CNTN1: variants seen among roughly 807,000 people sequenced by gnomAD.
CNTN1 encodes the protein contactin-1.
Under a neutral mutation model 126.4 loss-of-function variants are expected in CNTN1, and 38 were observed. The observed-to-expected ratio is 0.30, with a 90% CI of 0.23 to 0.39. The LOEUF (loss-of-function observed/expected upper bound fraction) is 0.39, where lower values mean the gene tolerates loss of function less well. CNTN1 is among the 10% of genes least tolerant of loss of function. The pLI is 1.00. For synonymous variants in CNTN1, 413 were observed against 422.6 expected (o/e 0.98, Z 0.28); for missense variants, 1,009 against 1,248.4 (o/e 0.81, Z 2.89).
intron 1 of CNTN1, among the ~76,000 whole-genome samples, chr12:40,887,604 G>A (rs1944088026): frequency 6.6e-6 from 1 of 152,012 alleles, no homozygotes; most frequent in Non-Finnish European, 1.5e-5. Context: ...AAGTCAGTGT[G>A]GCAATTCCTC....
intron 23 of CNTN1, among the ~76,000 whole-genome samples, chr12:41,049,824 G>C (rs538207957): frequency 6.6e-6 from 1 of 152,268 alleles, no homozygotes; most frequent in East Asian, 1.9e-4. Context: ...ATATAAACCA[G>C]TTTCTGGAAA....
chr12:40,813,090 T>C lies in CNTN1; in HGVS notation c.-76-95267T>C, dbSNP rs139617727. 3.8e-3 allele frequency among the ~76,000 whole-genome samples: 497 copies of C among 132,522 alleles called. 1 individual carries two copies. Among genetic ancestry groups the C allele is most frequent in the African/African-American group, 0.013 (449 of 34,886 alleles). The allele number at this position is 132,522 out of a possible 152,430, so 86.9% of individuals were successfully genotyped here. On this transcript the variant is annotated intron_variant, in intron 1 of 23. Transcript: ENST00000551295. Reference sequence around the variant, plus strand: ...TCCTTCCTTCCTTCCTTCCTTCCTTTCTTTCTCTTTCTTTTTTTCTTTCTT... The same window carrying C: ...TCCTTCCTTCCTTCCTTCCTTCCTTCCTTTCTCTTTCTTTTTTTCTTTCTT...
rs538018111 is a variant in CNTN1 at position 40,858,895 on chromosome 12, A to G, written c.-76-49462A>G. Among the ~76,000 whole-genome samples the G allele has an allele frequency of 3.4e-4, 51 of 152,132 alleles. No individual in the cohort carries two copies. The South Asian group carries it at 9.1e-3, about 27-fold the overall frequency. On this transcript the variant is annotated intron_variant, in intron 1 of 23. Coordinates refer to ENST00000551295, the MANE Select transcript of CNTN1 (RefSeq NM_001843.4). ...TGCAAGAACGGAAAACCAAACACTG[A>G]ATGTTGTTACTTAGAAGTGAGGGCT...
intron 1 of CNTN1, among the ~76,000 whole-genome samples, chr12:40,701,579 T>C (rs749708240): frequency 3.2e-4 from 48 of 152,300 alleles, no homozygotes; most frequent in Non-Finnish European, 6.0e-4. Flanking sequence ...AAAACTTTCC[T>C]TTGTAGAGTA....
chr12:41,035,536 A>C (rs1236788054), intron 23 of CNTN1, among the ~76,000 whole-genome samples: 2 of 152,208 alleles, frequency 1.3e-5, no homozygotes, highest in Non-Finnish European at 2.9e-5. Flanking sequence ...TATCAGAAGA[A>C]TAAAGAACCA....
At chr12:41,042,657 T>C (rs10879577) in intron 23 of CNTN1, among the ~76,000 whole-genome samples, 95,843 of 151,818 alleles carry the variant, frequency 0.63, 31,685 homozygotes, top group African/African-American at 0.84. Flanking sequence ...TACTTTAAAG[T>C]TCATATGGAA....
intron 17 of CNTN1, among the ~76,000 whole-genome samples, chr12:41,000,001 G>T (rs189168240): frequency 1.3e-5 from 2 of 152,046 alleles, no homozygotes; most frequent in African/African-American, 4.8e-5. Context: ...TACCATGTCC[G>T]GCCTATTCTG....
At chr12:40,775,186 T>C (rs1439190156) in intron 1 of CNTN1, among the ~76,000 whole-genome samples, 1 of 151,440 alleles carries the variant, frequency 6.6e-6, no homozygotes, top group Non-Finnish European at 1.5e-5. Flanking sequence ...TTTATCTTGA[T>C]CTACTATATG....
In CNTN1 at chr12:40,956,982, A is replaced by T. The variant is rs527535634; in HGVS notation, c.1684-2132A>T. On this transcript the variant is annotated intron_variant, in intron 14 of 23. Coordinates refer to ENST00000551295, the MANE Select transcript of CNTN1 (RefSeq NM_001843.4). Reference sequence around the variant, plus strand: ...TGGATAAATTCAAGAATTTATGATGAGTTTATGAGAAAGTTGAAGAAAGGG... The same window carrying T: ...TGGATAAATTCAAGAATTTATGATGTGTTTATGAGAAAGTTGAAGAAAGGG... 2.3e-4 allele frequency among the ~76,000 whole-genome samples: 35 copies of T among 152,006 alleles called. 1 individual carries two copies. In the South Asian group the frequency reaches 7.1e-3, roughly 31 times the overall value.
chr12:41,041,701 G>A (rs190121591), intron 23 of CNTN1, among the ~76,000 whole-genome samples: 423 of 152,204 alleles, frequency 2.8e-3, no homozygotes, highest in African/African-American at 9.3e-3. Flanking sequence ...GTTTATTTGC[G>A]TAGAGGTGTT....
In CNTN1 at chr12:40,929,778, G is replaced by T; in HGVS notation, c.497-18G>T. ...TGGGAGAAGCACTTAATATTTAGAA[G>T]GCAATATTTTCTCCTAGATGATCTT... On this transcript the variant is annotated intron_variant, in intron 6 of 23. Transcript: ENST00000551295. The T allele has an allele frequency of 6.3e-7, 1 of 1,581,976 alleles. No homozygotes were observed. Among genetic ancestry groups the T allele is most frequent in the South Asian group, 1.1e-5 (1 of 90,374 alleles).
chr12:40,946,062 C>T (rs207472867), intron 14 of CNTN1, among the ~76,000 whole-genome samples: 1 of 152,052 alleles, frequency 6.6e-6, no homozygotes, highest in Non-Finnish European at 1.5e-5. Flanking sequence ...TCAATTATCT[C>T]GATTTTTAAA....
chr12:40,935,770 T>C (rs1023371818), intron 9 of CNTN1, among the ~76,000 whole-genome samples: 6 of 152,206 alleles, frequency 3.9e-5, no homozygotes, highest in South Asian at 2.1e-4. Flanking sequence ...AGATTATATA[T>C]GCTTTAAGAT....
intron 1 of CNTN1, among the ~76,000 whole-genome samples, chr12:40,745,348 C>T (rs1938137704): frequency 6.6e-6 from 1 of 152,018 alleles, no homozygotes; most frequent in Non-Finnish European, 1.5e-5. Flanking sequence ...AAGTTTTATA[C>T]ATTTTAGGGG....
chr12:40,713,473 C>T (rs1941974800), intron 1 of CNTN1, among the ~76,000 whole-genome samples: 1 of 150,782 alleles, frequency 6.6e-6, no homozygotes, highest in South Asian at 2.1e-4. Context: ...TATTTAAATG[C>T]AGAATAAACT....
Position 41,070,023 on chromosome 12 carries a change from C to G in CNTN1, c.3045C>G (p.Tyr1015Ter). 1 of 1,614,002 alleles carries G rather than the reference C, an allele frequency of 6.2e-7. No homozygotes were observed. Among genetic ancestry groups the G allele is most frequent in the East Asian group, 2.2e-5 (1 of 44,876 alleles). ...LLLPAFGILV[Y>*]LEF ...TGCCTGCCTTTGGCATCCTTGTCTA[C>G]TTGGAATTCTGAATGTGTTGTGACA... Residue 1015 changes from tyrosine (Y) to a stop codon, truncating the protein, a stop_gained, in exon 24 of 24, where the codon TAC becomes TAG. Transcript: ENST00000551295. LOFTEE classifies it high-confidence loss of function.
intron 7 of CNTN1, among the ~76,000 whole-genome samples, 185 bp from the exon 8 acceptor site, chr12:40,933,276 G>C (rs557373219): frequency 3.4e-4 from 52 of 151,970 alleles, no homozygotes; most frequent in African/African-American, 1.1e-3. Flanking sequence ...TGAAAATACT[G>C]AGAAGTTATA....
intron 1 of CNTN1, among the ~76,000 whole-genome samples, chr12:40,807,065 G>GTGATAAT (rs1222494405): frequency 1.3e-5 from 2 of 152,030 alleles, no homozygotes; most frequent in Non-Finnish European, 2.9e-5. Flanking sequence ...GTACAGAATA[G>GTGATAAT]TGATAATTCA....
intron 7 of CNTN1, among the ~76,000 whole-genome samples, chr12:40,930,901 A>G (rs1368987460): frequency 6.6e-6 from 1 of 151,784 alleles, no homozygotes; most frequent in East Asian, 1.9e-4. Context: ...AGATAATCTC[A>G]CCCCCTACTT....
Sources: gnomAD v4.1 joint callset for allele counts (sites outside exome capture counted in the v4.1 genomes callset) on GRCh38, gnomAD v4.1.1 for gene constraint, MANE v1.5 for transcripts, NCBI Gene and HGNC (gene_info 2026-07-23, HGNC 2026-07-21) for gene names.